SORCS2: variants seen among roughly 807,000 people sequenced by gnomAD.
SORCS2 encodes the protein VPS10 domain-containing receptor SorCS2.
In SORCS2, 100 loss-of-function variants were observed where a neutral mutation model predicts 141.6. The ratio of observed to expected loss-of-function variants is 0.71; its 90% CI spans 0.60 to 0.83. The LOEUF (loss-of-function observed/expected upper bound fraction) is 0.83, where lower values mean the gene tolerates loss of function less well. Ranked by LOEUF, SORCS2 falls within the 40% of genes least tolerant of loss-of-function variation. SORCS2 has a pLI of 0.00. For missense variants in SORCS2, 1,646 were observed against 1,560.2 expected, an observed-to-expected ratio of 1.05 and a Z score of -0.93; for synonymous variants, 789 against 676.9, an observed-to-expected ratio of 1.17 and a Z score of -2.57.
chr4:7,643,096 A>G (rs914925934), intron 4 of SORCS2, among the ~76,000 whole-genome samples: 4 of 152,152 alleles, frequency 2.6e-5, no homozygotes, highest in African/African-American at 9.7e-5. Flanking sequence ...GCAAACACCT[A>G]TCCACCTACC....
chr4:7,523,537 G>A (rs1217365986), intron 2 of SORCS2, among the ~76,000 whole-genome samples: 1 of 152,108 alleles, frequency 6.6e-6, no homozygotes, highest in African/African-American at 2.4e-5. Context: ...AGGGTCCTGT[G>A]CTCTGGTGAA....
intron 1 of SORCS2, among the ~76,000 whole-genome samples, chr4:7,388,674 A>C (rs1342403689): frequency 2.6e-5 from 4 of 152,144 alleles, no homozygotes; most frequent in Non-Finnish European, 4.4e-5. Flanking sequence ...AATTCATGTC[A>C]CACGAAACTC....
intron 1 of SORCS2, among the ~76,000 whole-genome samples, chr4:7,253,975 A>G (rs1359202731): frequency 1.3e-5 from 2 of 152,230 alleles, no homozygotes; most frequent in African/African-American, 2.4e-5. Context: ...ACAATAAGAT[A>G]TCATCTCACC....
At chr4:7,215,968 C>T (rs1279188917) in intron 1 of SORCS2, among the ~76,000 whole-genome samples, 7 of 151,846 alleles carry the variant, frequency 4.6e-5, no homozygotes, top group Non-Finnish European at 7.4e-5. Flanking sequence ...AGTGGCAACC[C>T]GCTCGGGTCC....
At chr4:7,722,698 T>C (rs1302804734) in intron 18 of SORCS2, among the ~76,000 whole-genome samples, 1 of 152,218 alleles carries the variant, frequency 6.6e-6, no homozygotes, top group Non-Finnish European at 1.5e-5. Context: ...GTAAAGACCC[T>C]ATTTCCAAAT....
chr4:7,555,977 A>G (rs943171937), intron 3 of SORCS2, among the ~76,000 whole-genome samples: 13 of 152,254 alleles, frequency 8.5e-5, no homozygotes, highest in African/African-American at 3.1e-4. Context: ...TGCAGTGGGT[A>G]AGAGTCCTGG....
At chr4:7,422,107 T>C (rs573657711) in intron 2 of SORCS2, among the ~76,000 whole-genome samples, 1 of 152,276 alleles carries the variant, frequency 6.6e-6, no homozygotes, top group Admixed American at 6.5e-5. Flanking sequence ...AAGTCCACCA[T>C]CTTGTACGGG....
Position 7,606,723 on chromosome 4 carries a change from CTG to C in SORCS2, c.649-31600_649-31599del, listed in dbSNP as rs1395097503. Among the ~76,000 whole-genome samples, 4 of 152,116 alleles carry C rather than the reference CTG, an allele frequency of 2.6e-5. No homozygotes were observed. In the East Asian group the frequency reaches 7.8e-4, roughly 30 times the overall value. On this transcript the variant is annotated intron_variant, in intron 3 of 26. Coordinates refer to ENST00000507866, the MANE Select transcript of SORCS2 (RefSeq NM_020777.3). Reference sequence around the variant, plus strand: ...AAGGCTAGACGGTGTGGTCTCCATTCTGTGTGACTGTATTGGGAGTTATATTC... The same window carrying C: ...AAGGCTAGACGGTGTGGTCTCCATTCTGTGACTGTATTGGGAGTTATATTC...
At chr4:7,207,117 C>T (rs1390359442) in intron 1 of SORCS2, among the ~76,000 whole-genome samples, 1 of 152,222 alleles carries the variant, frequency 6.6e-6, no homozygotes, top group East Asian at 1.9e-4. Flanking sequence ...TCTCTCTGGG[C>T]CAGCTTCAGA....
At chr4:7,729,378 A>C (rs987166878) in intron 22 of SORCS2, among the ~76,000 whole-genome samples, 7 of 152,150 alleles carry the variant, frequency 4.6e-5, no homozygotes, top group African/African-American at 1.7e-4. Context: ...CCTGAATAGC[A>C]GGGCTGAGGG....
intron 3 of SORCS2, among the ~76,000 whole-genome samples, chr4:7,634,466 C>G (rs538762083): frequency 6.6e-6 from 1 of 151,970 alleles, no homozygotes; most frequent in South Asian, 2.1e-4. Flanking sequence ...GGGGCCAGAG[C>G]TGGAGCTATT....
At chr4:7,306,703 A>G (rs1717858915) in intron 1 of SORCS2, among the ~76,000 whole-genome samples, 2 of 152,148 alleles carry the variant, frequency 1.3e-5, no homozygotes, top group Admixed American at 6.5e-5. Context: ...GTTGCTGTCC[A>G]GAGGCTGGCA....
At chr4:7,680,333 C>T (rs1209284799) in intron 9 of SORCS2, among the ~76,000 whole-genome samples, 1 of 152,240 alleles carries the variant, frequency 6.6e-6, no homozygotes, top group East Asian at 1.9e-4. Context: ...GGCAGCTCCT[C>T]TCCTGCAGAC....
At chr4:7,256,219 G>T (rs1388734709) in intron 1 of SORCS2, among the ~76,000 whole-genome samples, 1 of 152,174 alleles carries the variant, frequency 6.6e-6, no homozygotes, top group South Asian at 2.1e-4. Flanking sequence ...CGTGCCTGGT[G>T]AGCACATGCC....
chr4:7,410,758 C>G (rs1048057548), intron 2 of SORCS2, among the ~76,000 whole-genome samples: 2 of 152,082 alleles, frequency 1.3e-5, no homozygotes, highest in African/African-American at 4.8e-5. Flanking sequence ...GACTGTAAAG[C>G]TTTCAGGGTT....
intron 3 of SORCS2, among the ~76,000 whole-genome samples, chr4:7,578,211 T>A (rs1385910473): frequency 6.6e-6 from 1 of 152,256 alleles, no homozygotes; most frequent in African/African-American, 2.4e-5. Context: ...TTTCTACTTC[T>A]ATTTCCACCA....
At chr4:7,590,588 A>G (rs1282050040) in intron 3 of SORCS2, among the ~76,000 whole-genome samples, 1 of 152,212 alleles carries the variant, frequency 6.6e-6, no homozygotes, top group African/African-American at 2.4e-5. Context: ...TCTGTGGGTG[A>G]GGATGGAGGT....
chr4:7,346,717 G>A (rs1233242164), intron 1 of SORCS2, among the ~76,000 whole-genome samples: 2 of 152,180 alleles, frequency 1.3e-5, no homozygotes, highest in East Asian at 3.8e-4. Context: ...GGGCTATGTT[G>A]TTAGGTGCAT....
At chr4:7,433,544 C>T (rs752998103) in intron 2 of SORCS2, 98 of 1,610,328 alleles carry the variant, frequency 6.1e-5, no homozygotes, top group Middle Eastern at 1.6e-4. Flanking sequence ...AGCACGGGCT[C>T]GTACTGGGTG....
Sources: allele counts gnomAD v4.1 joint callset (sites outside exome capture counted in the v4.1 genomes callset), GRCh38; gene constraint gnomAD v4.1.1; transcripts MANE v1.5; gene names NCBI Gene and HGNC (gene_info 2026-07-23, HGNC 2026-07-21).